PPP2R2B: variants seen among roughly 807,000 people sequenced by gnomAD.
PPP2R2B encodes serine/threonine-protein phosphatase 2A 55 kDa regulatory subunit B beta isoform.
In PPP2R2B, 5 loss-of-function variants were observed where a neutral mutation model predicts 46.0. The ratio of observed to expected loss-of-function variants is 0.11; its 90% CI spans 0.06 to 0.23. The LOEUF (loss-of-function observed/expected upper bound fraction) is 0.23, where lower values mean the gene tolerates loss of function less well. PPP2R2B is among the 10% of genes least tolerant of loss of function. The pLI is 1.00. For missense variants in PPP2R2B, 367 were observed against 575.0 expected, an observed-to-expected ratio of 0.64 and a Z score of 3.70; for synonymous variants, 215 against 206.7, an observed-to-expected ratio of 1.04 and a Z score of -0.34.
intron 1 of PPP2R2B, among the ~76,000 whole-genome samples, chr5:147,017,394 A>G (rs1378983221): frequency 6.6e-6 from 1 of 151,616 alleles, no homozygotes; most frequent in Non-Finnish European, 1.5e-5. Context: ...TGTGCTTAGC[A>G]TCTTAACCTT....
At chr5:147,034,508 C>G (rs1755944747) in intron 1 of PPP2R2B, among the ~76,000 whole-genome samples, 1 of 152,194 alleles carries the variant, frequency 6.6e-6, no homozygotes, top group South Asian at 2.1e-4. Context: ...CTCTCAAGCT[C>G]TCATGCCACT....
intron 2 of PPP2R2B, among the ~76,000 whole-genome samples, chr5:146,835,477 T>A (rs192973685): frequency 7.9e-5 from 12 of 152,222 alleles, no homozygotes; most frequent in Admixed American, 5.9e-4. Context: ...AACATGTACA[T>A]CTTTGGTTTG....
intron 2 of PPP2R2B, among the ~76,000 whole-genome samples, chr5:146,864,753 A>G (rs1488485976): frequency 6.6e-6 from 1 of 152,178 alleles, no homozygotes; most frequent in Admixed American, 6.6e-5. Context: ...GTAGAAGGGC[A>G]ATGGGATCAA....
chr5:146,694,568 C>T, intron 4 of PPP2R2B, among the ~76,000 whole-genome samples: 1 of 152,148 alleles, frequency 6.6e-6, no homozygotes, highest in Non-Finnish European at 1.5e-5. Flanking sequence ...CCTCTCCAGT[C>T]AGGAACGATC....
chr5:146,694,410 A>G (rs1779054795), intron 4 of PPP2R2B, among the ~76,000 whole-genome samples: 1 of 152,202 alleles, frequency 6.6e-6, no homozygotes, highest in East Asian at 1.9e-4. Context: ...TTTTAATACC[A>G]AATTTTTTTT....
Position 146,621,645 on chromosome 5 carries a change from A to G in PPP2R2B, c.790+16606T>C, listed in dbSNP as rs7736320. 9.6e-3 allele frequency among the ~76,000 whole-genome samples: 1,463 copies of G among 152,236 alleles called. 29 individuals carry two copies. Among genetic ancestry groups the G allele is most frequent in the African/African-American group, 0.033 (1,362 of 41,536 alleles). ...TTTACAGACTTAACACAATGTACCG[A>G]GGCAATGTGGAGAACAGTCACTGAA... On this transcript the variant is annotated intron_variant, in intron 7 of 9. Transcript: ENST00000394411.
chr5:146,900,247 C>G (rs183427013), intron 1 of PPP2R2B, among the ~76,000 whole-genome samples: 1 of 152,300 alleles, frequency 6.6e-6, no homozygotes, highest in East Asian at 1.9e-4. Flanking sequence ...ATAAGTGCCA[C>G]AGTCAGAAAA....
chr5:146,897,877 TG>T (rs1009765338), intron 1 of PPP2R2B, among the ~76,000 whole-genome samples: 3 of 152,140 alleles, frequency 2.0e-5, no homozygotes, highest in African/African-American at 7.2e-5. Flanking sequence ...TAAAATATAC[TG>T]GTCAAGGAAA....
intron 3 of PPP2R2B, among the ~76,000 whole-genome samples, chr5:146,699,215 C>T (rs1429657680): frequency 6.6e-6 from 1 of 152,112 alleles, no homozygotes; most frequent in African/African-American, 2.4e-5. Context: ...AACTTACTGA[C>T]CAGTGAGAGT....
intron 1 of PPP2R2B, among the ~76,000 whole-genome samples, chr5:146,910,908 G>T (rs1763154191): frequency 6.6e-6 from 1 of 151,946 alleles, no homozygotes; most frequent in Non-Finnish European, 1.5e-5. Context: ...TCTTCCTTTG[G>T]GTTCTTAAAT....
intron 1 of PPP2R2B, among the ~76,000 whole-genome samples, chr5:147,025,521 T>C (rs1013833163): frequency 1.3e-5 from 2 of 151,584 alleles, no homozygotes; most frequent in Non-Finnish European, 2.9e-5. Flanking sequence ...AGCAAAGATT[T>C]CTTAGATATG....
chr5:146,948,093 G>A (rs529050423), intron 1 of PPP2R2B, among the ~76,000 whole-genome samples: 11 of 151,794 alleles, frequency 7.2e-5, no homozygotes, highest in African/African-American at 2.2e-4. Flanking sequence ...TCATATAATC[G>A]TTTCCCTTAC....
intron 2 of PPP2R2B, among the ~76,000 whole-genome samples, chr5:146,808,304 C>T (rs147239969): frequency 4.9e-4 from 75 of 152,266 alleles, no homozygotes; most frequent in African/African-American, 1.7e-3. Flanking sequence ...ATGTGCCTAG[C>T]GGCTACCATG....
At chr5:146,882,202 G>A (rs1164045542), upstream of PPP2R2B, among the ~76,000 whole-genome samples, 4 of 151,722 alleles carry the variant, frequency 2.6e-5, no homozygotes, top group African/African-American at 7.3e-5. Context: ...GCTTGAACCC[G>A]GGAGGCAGAG....
intron 1 of PPP2R2B, among the ~76,000 whole-genome samples, chr5:146,997,832 A>T (rs1484964304): frequency 6.6e-6 from 1 of 152,204 alleles, no homozygotes; most frequent in African/African-American, 2.4e-5. Flanking sequence ...TAGGTAAAAA[A>T]ATTCAGGTAA....
chr5:146,939,426 C>G (rs184823314), intron 1 of PPP2R2B, among the ~76,000 whole-genome samples: 143 of 152,284 alleles, frequency 9.4e-4, no homozygotes, highest in African/African-American at 3.3e-3. Context: ...GAGCAGAAGT[C>G]AAGCTTAGGC....
intron 2 of PPP2R2B, among the ~76,000 whole-genome samples, chr5:146,816,646 C>T (rs2151327711): frequency 6.6e-6 from 1 of 152,152 alleles, no homozygotes; most frequent in South Asian, 2.1e-4. Context: ...ACTGCATTGT[C>T]CAAAAATTAC....
chr5:146,875,416 A>G (rs960393282), intron 2 of PPP2R2B, among the ~76,000 whole-genome samples: 1 of 152,102 alleles, frequency 6.6e-6, no homozygotes, highest in African/African-American at 2.4e-5. Flanking sequence ...AGACTGAGAG[A>G]GGGGAGCTTG....
At chr5:147,069,785 G>GTTTTTTTTTCTTTT (rs1757523369) in intron 2 of PPP2R2B, among the ~76,000 whole-genome samples, 1 of 64,786 alleles carries the variant, frequency 1.5e-5, no homozygotes, top group Non-Finnish European at 2.5e-5. Context: ...ATTTTATACT[G>GTTTTTTTTTCTTTT]TTTTTTTTTT....
Sources: gnomAD v4.1 joint callset for allele counts (sites outside exome capture counted in the v4.1 genomes callset) on GRCh38, gnomAD v4.1.1 for gene constraint, MANE v1.5 for transcripts, NCBI Gene and HGNC (gene_info 2026-07-23, HGNC 2026-07-21) for gene names.